CDH11: variants seen among roughly 807,000 people sequenced by gnomAD.
The protein encoded by CDH11 is cadherin-11.
In CDH11, 11 loss-of-function variants were observed where a neutral mutation model predicts 67.8. The ratio of observed to expected loss-of-function variants is 0.16; its 90% confidence interval spans 0.10 to 0.27. The LOEUF (loss-of-function observed/expected upper bound fraction) is 0.27, where lower values mean the gene tolerates loss of function less well. Among genes scored for constraint, CDH11 ranks in the 10% least tolerant of loss-of-function variants. The pLI is 1.00. For synonymous variants in CDH11, 419 were observed against 400.0 expected (o/e 1.05, Z -0.57); for missense variants, 847 against 1,031.2 (o/e 0.82, Z 2.45).
In CDH11 at chr16:65,004,776, G is replaced by A. The variant is rs2303765; in HGVS notation, c.94C>T (p.Arg32Trp). The A allele has an allele frequency of 9.5e-5, 151 of 1,591,120 alleles. 1 individual carries two copies. The highest frequency in any genetic ancestry group is 9.5e-4 in the East Asian group (41 of 43,364). Reference protein sequence around the residue: ...AFAPERRGHLRPSFHGHHEKG... With the variant: ...AFAPERRGHLWPSFHGHHEKG... ...TCATGGTGCCCATGGAAGGAGGGCCGCAGGTGCCCCCGCCGCTCTGGGGCA... is the reference window on the plus strand; with the variant it reads ...TCATGGTGCCCATGGAAGGAGGGCCACAGGTGCCCCCGCCGCTCTGGGGCA... Residue 32 changes from arginine to tryptophan, a missense_variant, in exon 3 of 13, where the codon CGG becomes TGG. Physicochemically the swap from Arg to Trp is moderately radical, Grantham distance 101. This residue lies in a region of CDH11 where 235 missense variants were observed against 352.5 expected (regional missense o/e 0.67). Coordinates refer to ENST00000268603, the MANE Select transcript of CDH11 (RefSeq NM_001797.4).
intron 1 of CDH11, among the ~76,000 whole-genome samples, chr16:65,120,950 C>A (rs1446366945): frequency 6.6e-6 from 1 of 152,218 alleles, no homozygotes; most frequent in Non-Finnish European, 1.5e-5. Flanking sequence ...TCCTCCCCAT[C>A]TGGCCAGCTT....
At chr16:65,055,330 G>A (rs2074124566) in intron 1 of CDH11, among the ~76,000 whole-genome samples, 1 of 152,202 alleles carries the variant, frequency 6.6e-6, no homozygotes, top group Non-Finnish European at 1.5e-5. Context: ...GAGAACCATG[G>A]GAGAGGGACC....
At chr16:64,970,128 C>T (rs1191405810) in intron 11 of CDH11, among the ~76,000 whole-genome samples, 1 of 152,146 alleles carries the variant, frequency 6.6e-6, no homozygotes, top group Non-Finnish European at 1.5e-5. Flanking sequence ...ACTTCCTTCA[C>T]ACTTCAGTTC....
At chr16:64,988,056 CAA>C in intron 7 of CDH11, 99 bp downstream of exon 7, 2 of 972,392 alleles carry the variant, frequency 2.1e-6, no homozygotes, top group South Asian at 3.8e-5. Flanking sequence ...CCTGGTTTCG[CAA>C]ATTCTCATTT....
intron 2 of CDH11, among the ~76,000 whole-genome samples, chr16:65,045,695 CAG>C (rs1401366066): frequency 6.6e-6 from 1 of 152,052 alleles, no homozygotes; most frequent in Non-Finnish European, 1.5e-5. Flanking sequence ...CACGTAGGGA[CAG>C]AGAGTACAGG....
chr16:64,982,657 C>A (rs1295407882), intron 7 of CDH11: 2 of 176,990 alleles, frequency 1.1e-5, no homozygotes, highest in African/African-American at 4.8e-5. Flanking sequence ...ATTCTGAAAA[C>A]TAAGAATCCT....
At chr16:65,034,334 G>C (rs933910433) in intron 2 of CDH11, among the ~76,000 whole-genome samples, 8 of 152,180 alleles carry the variant, frequency 5.3e-5, no homozygotes, top group African/African-American at 1.9e-4. Context: ...ATAAATGCCT[G>C]CTGCTTAAGC....
intron 1 of CDH11, among the ~76,000 whole-genome samples, chr16:65,114,512 T>C (rs1004437160): frequency 3.3e-5 from 5 of 152,004 alleles, no homozygotes; most frequent in African/African-American, 1.2e-4. Flanking sequence ...TGAAAGTACC[T>C]TCCTCTCGGG....
At chr16:65,067,789 G>C (rs2074340363) in intron 1 of CDH11, among the ~76,000 whole-genome samples, 1 of 138,022 alleles carries the variant, frequency 7.2e-6, no homozygotes, top group South Asian at 2.5e-4. Context: ...GGGAGGGAGA[G>C]AGAGAGGAAG....
At chr16:65,043,724 GT>G (rs1302095502) in intron 2 of CDH11, among the ~76,000 whole-genome samples, 1 of 152,130 alleles carries the variant, frequency 6.6e-6, no homozygotes, top group Non-Finnish European at 1.5e-5. Flanking sequence ...GGGATTTCCT[GT>G]TTCTTACTGT....
intron 2 of CDH11, among the ~76,000 whole-genome samples, chr16:65,011,650 T>C (rs1013539358): frequency 1.3e-4 from 20 of 152,220 alleles, no homozygotes; most frequent in African/African-American, 4.6e-4. Flanking sequence ...GCCTTTTTAT[T>C]GGTGTAATAT....
intron 11 of CDH11, among the ~76,000 whole-genome samples, chr16:64,956,683 T>C (rs1204395796): frequency 6.6e-6 from 1 of 152,214 alleles, no homozygotes; most frequent in East Asian, 1.9e-4. Flanking sequence ...GTGTAGTGTT[T>C]CTATTAATGG....
In CDH11 at chr16:64,998,777, A is replaced by G. The variant is rs754109361; in HGVS notation, c.308T>C (p.Ile103Thr). The G allele has an allele frequency of 6.2e-7, 1 of 1,614,180 alleles. No individual in the cohort carries two copies. Among genetic ancestry groups the G allele is most frequent in the Non-Finnish European group, 8.5e-7 (1 of 1,180,026 alleles). ...ATGAATGTTCCCTGATTTGTCATCAATCACAAAAATGGTTCCAGCTCCTTC... is the reference window on the plus strand; with the variant it reads ...ATGAATGTTCCCTGATTTGTCATCAGTCACAAAAATGGTTCCAGCTCCTTC... ...SGEGAGTIFV[I>T]DDKSGNIHAT... The change falls in exon 4 of 13, where the codon ATT becomes ACT. Residue 103 changes from isoleucine to threonine, a missense_variant. Around this residue, in one of 2 missense-constraint regions of CDH11, gnomAD observed 235 missense variants for 352.5 expected, o/e 0.67. Coordinates refer to ENST00000268603, the MANE Select transcript of CDH11 (RefSeq NM_001797.4).
intron 2 of CDH11, among the ~76,000 whole-genome samples, chr16:65,017,452 G>A (rs1363848696): frequency 6.6e-6 from 1 of 152,158 alleles, no homozygotes; most frequent in African/African-American, 2.4e-5. Flanking sequence ...CTCAGTCAGT[G>A]TCAGTATGGT....
intron 4 of CDH11, among the ~76,000 whole-genome samples, chr16:64,994,548 T>G (rs2072718055): frequency 6.6e-6 from 1 of 152,176 alleles, no homozygotes; most frequent in African/African-American, 2.4e-5. Flanking sequence ...CATAATACAA[T>G]GTCTGAGTTC....
intron 2 of CDH11, among the ~76,000 whole-genome samples, chr16:65,015,119 G>T (rs956878583): frequency 6.6e-6 from 1 of 151,018 alleles, no homozygotes; most frequent in Non-Finnish European, 1.5e-5. Context: ...TCATCCACCC[G>T]CCTCGGCCTC....
chr16:65,103,656 A>G (rs1242679672), intron 1 of CDH11, among the ~76,000 whole-genome samples: 1 of 152,184 alleles, frequency 6.6e-6, no homozygotes, highest in Non-Finnish European at 1.5e-5. Context: ...AAAACTGTGT[A>G]TAAATATATT....
At chr16:65,036,065 T>A (rs118164069) in intron 2 of CDH11, among the ~76,000 whole-genome samples, 1 of 152,186 alleles carries the variant, frequency 6.6e-6, no homozygotes, top group East Asian at 1.9e-4. Context: ...CTGAACACTA[T>A]GCTAAGCACT....
intron 1 of CDH11, among the ~76,000 whole-genome samples, chr16:65,077,911 T>C (rs1417181939): frequency 6.6e-6 from 1 of 152,218 alleles, no homozygotes; most frequent in Non-Finnish European, 1.5e-5. Context: ...AATGCATTTG[T>C]AGGCTCTCTG....
Sources: gnomAD v4.1 joint callset for allele counts (sites outside exome capture counted in the v4.1 genomes callset) on GRCh38, gnomAD v4.1.1 for gene constraint, gnomAD v4.1.1 regional missense constraint, MANE v1.5 for transcripts, NCBI Gene and HGNC (gene_info 2026-07-23, HGNC 2026-07-21) for gene names.